PTPRT: variants seen among roughly 807,000 people sequenced by gnomAD.
PTPRT encodes receptor-type tyrosine-protein phosphatase T.
In PTPRT, 56 loss-of-function variants were observed where a neutral mutation model predicts 176.8. The ratio of observed to expected loss-of-function variants is 0.32; its 90% CI spans 0.26 to 0.40. The LOEUF is 0.40. Ranked by LOEUF, PTPRT falls within the 10% of genes least tolerant of loss-of-function variation. The pLI, the probability that PTPRT is intolerant of heterozygous loss-of-function variation, is 1.00. For missense variants in PTPRT, 1,540 were observed against 1,908.2 expected (o/e 0.81, Z 3.60); for synonymous variants, 783 against 739.0 (o/e 1.06, Z -0.96).
In PTPRT at chr20:42,499,516, T is replaced by A. The variant is rs188895052; in HGVS notation, c.1154-26954A>T. Among the ~76,000 whole-genome samples the A allele has an allele frequency of 3.0e-3, 455 of 152,134 alleles. 3 individuals carry two copies. The highest frequency in any genetic ancestry group is 0.01 in the African/African-American group (419 of 41,508). On this transcript the variant is annotated intron_variant, in intron 7 of 30. Transcript: ENST00000373187. ...CATGTTGGCCAGGCTGGTCTTGATCTCCTGACCTTGCGATCCAGCTGCCTC... is the reference window on the plus strand; with the variant it reads ...CATGTTGGCCAGGCTGGTCTTGATCACCTGACCTTGCGATCCAGCTGCCTC...
chr20:42,817,133 C>A (rs908403890), intron 2 of PTPRT, among the ~76,000 whole-genome samples: 1 of 152,132 alleles, frequency 6.6e-6, no homozygotes, highest in Non-Finnish European at 1.5e-5. Context: ...TTTAAAAGGG[C>A]AATTCCTCAT....
intron 19 of PTPRT, among the ~76,000 whole-genome samples, chr20:42,125,158 C>T (rs1355040017): frequency 6.6e-6 from 1 of 152,166 alleles, no homozygotes; most frequent in Non-Finnish European, 1.5e-5. Context: ...AGTGATACTG[C>T]ACCCTACCCT....
intron 12 of PTPRT, among the ~76,000 whole-genome samples, chr20:42,291,177 G>T (rs1230324319): frequency 6.6e-6 from 1 of 152,100 alleles, no homozygotes; most frequent in Non-Finnish European, 1.5e-5. Flanking sequence ...ACTGTGCTGA[G>T]ATCCTGAAAG....
chr20:42,911,452 T>G (rs987602730), intron 1 of PTPRT, among the ~76,000 whole-genome samples: 4 of 152,158 alleles, frequency 2.6e-5, no homozygotes, highest in Non-Finnish European at 5.9e-5. Context: ...TAACTAGTAA[T>G]TATTCTGATT....
chr20:42,594,441 G>A (rs774834889), intron 7 of PTPRT, among the ~76,000 whole-genome samples: 6 of 151,906 alleles, frequency 3.9e-5, no homozygotes, highest in Non-Finnish European at 8.8e-5. Context: ...TCTTTCTCTC[G>A]GGACAGAAAA....
chr20:42,771,607 C>T (rs923614981), intron 4 of PTPRT, 57 bp from the exon 5 acceptor site: 2 of 1,417,682 alleles, frequency 1.4e-6, no homozygotes, highest in South Asian at 1.2e-5. Flanking sequence ...GCACCACTTC[C>T]CTATTGGTGG....
In PTPRT at chr20:42,995,309, T is replaced by G. The variant is rs535206589; in HGVS notation, c.89-109377A>C. Among the ~76,000 whole-genome samples the G allele has an allele frequency of 4.6e-5, 7 of 152,240 alleles. No individual in the cohort carries two copies. In the East Asian group the frequency reaches 1.2e-3, roughly 25 times the overall value. On this transcript the variant is annotated intron_variant, in intron 1 of 30. Transcript: ENST00000373187. ...ACATTAATGAATAAATAGTTAAAAG[T>G]AGAAATAACCCCACTGATTCTGTTT...
chr20:43,017,635 A>C (rs559733876), intron 1 of PTPRT, among the ~76,000 whole-genome samples: 35 of 152,322 alleles, frequency 2.3e-4, no homozygotes, highest in South Asian at 2.1e-3. Flanking sequence ...CAAGAGCACA[A>C]GGAAGGACAG....
chr20:42,761,134 T>C (rs1471832950), intron 5 of PTPRT, among the ~76,000 whole-genome samples: 1 of 152,108 alleles, frequency 6.6e-6, no homozygotes, highest in East Asian at 1.9e-4. Flanking sequence ...TGGGAAATTG[T>C]TAAAAATGTG....
At chr20:43,042,859 G>A (rs1986674653) in intron 1 of PTPRT, among the ~76,000 whole-genome samples, 1 of 151,716 alleles carries the variant, frequency 6.6e-6, no homozygotes, top group Non-Finnish European at 1.5e-5. Flanking sequence ...TGGCATCTCA[G>A]ATCATCTCAA....
intron 22 of PTPRT, among the ~76,000 whole-genome samples, chr20:42,113,943 G>A (rs957689394): frequency 5.3e-5 from 8 of 152,288 alleles, no homozygotes; most frequent in African/African-American, 1.7e-4. Flanking sequence ...GGGAGCTTCC[G>A]GGGCAAACAG....
chr20:42,967,371 C>A (rs547932746), intron 1 of PTPRT, among the ~76,000 whole-genome samples: 1 of 152,006 alleles, frequency 6.6e-6, no homozygotes, highest in East Asian at 1.9e-4. Flanking sequence ...TAACGAGTGT[C>A]CTTATAAAAA....
chr20:42,199,283 A>T lies in PTPRT; in HGVS notation c.2448T>A (p.Asn816Lys), dbSNP rs746563629. ...KPTTKLSASR[N>K]DEGFSSSSQD... ...GAGAACTAGAAGAGAAGCCTTCATC[A>T]TTGCGGCTGGCGCTGAGCTTGGTGG... Residue 816 changes from asparagine (N) to lysine (K), a missense_variant, in exon 16 of 31, where the codon AAT becomes AAA. Physicochemically the swap from Asn to Lys is moderately conservative, Grantham distance 94. Coordinates refer to ENST00000373187, the MANE Select transcript of PTPRT (RefSeq NM_007050.6). The T allele has an allele frequency of 1.9e-6, 3 of 1,614,164 alleles. No homozygotes were observed. In the South Asian group the frequency reaches 3.3e-5, roughly 18 times the overall value.
chr20:42,094,746 T>C (rs1437012896), intron 27 of PTPRT, among the ~76,000 whole-genome samples: 1 of 152,034 alleles, frequency 6.6e-6, no homozygotes, highest in Non-Finnish European at 1.5e-5. Flanking sequence ...AAAAATTAGC[T>C]GGCTGTGGTG....
At chr20:42,038,400 T>C in the PTPRT span, among the ~76,000 whole-genome samples, 1 of 152,160 alleles carries the variant, frequency 6.6e-6, no homozygotes, top group Non-Finnish European at 1.5e-5. Flanking sequence ...TTAGGCATGA[T>C]GTAGAAATGC....
intron 1 of PTPRT, among the ~76,000 whole-genome samples, chr20:43,039,422 AT>A (rs1986516886): frequency 6.6e-6 from 1 of 151,980 alleles, no homozygotes; most frequent in Admixed American, 6.6e-5. Context: ...TATGGTAAAG[AT>A]TTAAATTTAT....
intron 3 of PTPRT, among the ~76,000 whole-genome samples, chr20:42,786,390 A>T (rs2077291405): frequency 1.3e-5 from 2 of 152,184 alleles, no homozygotes; most frequent in African/African-American, 4.8e-5. Flanking sequence ...AACATTACAC[A>T]ACTAGGAAGA....
chr20:42,083,072 A>T (rs1312636335), intron 29 of PTPRT, among the ~76,000 whole-genome samples: 1 of 134,162 alleles, frequency 7.5e-6, no homozygotes, highest in African/African-American at 2.8e-5. Context: ...GGCTCAAACT[A>T]CTGGCCACCT....
At chr20:42,924,046 G>A (rs1466336694) in intron 1 of PTPRT, among the ~76,000 whole-genome samples, 1 of 152,020 alleles carries the variant, frequency 6.6e-6, no homozygotes, top group Non-Finnish European at 1.5e-5. Flanking sequence ...GTAGAGATGG[G>A]GTTTTGCCAT....
Sources: gnomAD v4.1 joint callset for allele counts (sites outside exome capture counted in the v4.1 genomes callset) on GRCh38, gnomAD v4.1.1 for gene constraint, MANE v1.5 for transcripts, NCBI Gene and HGNC (gene_info 2026-07-23, HGNC 2026-07-21) for gene names.